The following PABPC4L variants were observed in gnomAD, a reference collection of about 807,000 sequenced individuals.
The protein encoded by PABPC4L is polyadenylate-binding protein 4-like.
For missense variants in PABPC4L, 452 were observed against 451.4 expected, an observed-to-expected ratio of 1.00 and a Z score of -0.01; for synonymous variants, 169 against 164.1, an observed-to-expected ratio of 1.03 and a Z score of -0.23.
chr4:134,091,408 T>G, the PABPC4L span, among the ~76,000 whole-genome samples: 3 of 152,092 alleles, frequency 2.0e-5, no homozygotes, highest in Admixed American at 2.0e-4. Context: ...ACTTTATAAC[T>G]TATTGAAATT....
the PABPC4L span, among the ~76,000 whole-genome samples, chr4:134,080,628 T>C: frequency 6.6e-6 from 1 of 152,158 alleles, no homozygotes; most frequent in Admixed American, 6.6e-5. Context: ...ACCTAATCTC[T>C]TTGGTTAATA....
At chr4:134,046,874 C>T in the PABPC4L span, among the ~76,000 whole-genome samples, 1 of 152,174 alleles carries the variant, frequency 6.6e-6, no homozygotes, top group East Asian at 1.9e-4. Flanking sequence ...TACAGATTAA[C>T]AGCATCTCAA....
At chr4:134,053,897 T>A in the PABPC4L span, among the ~76,000 whole-genome samples, 2 of 152,086 alleles carry the variant, frequency 1.3e-5, no homozygotes, top group Admixed American at 1.3e-4. Context: ...GAGGTCCTGA[T>A]GCTTCTTCCT....
At chr4:134,135,560 T>C in the PABPC4L span, among the ~76,000 whole-genome samples, 1 of 152,078 alleles carries the variant, frequency 6.6e-6, no homozygotes, top group Non-Finnish European at 1.5e-5. Context: ...ACAGCCGGTA[T>C]GGTGGCTCAT....
chr4:134,006,923 C>T, the PABPC4L span, among the ~76,000 whole-genome samples: 1 of 151,642 alleles, frequency 6.6e-6, no homozygotes. Flanking sequence ...TGTGTTGATA[C>T]TGCAAGTTGT....
the PABPC4L span, among the ~76,000 whole-genome samples, chr4:133,990,415 A>G: frequency 6.6e-6 from 1 of 152,144 alleles, no homozygotes; most frequent in Non-Finnish European, 1.5e-5. Context: ...AACTTAATTG[A>G]CAAATATTAT....
chr4:133,967,898 T>C, the PABPC4L span, among the ~76,000 whole-genome samples: 16 of 152,186 alleles, frequency 1.1e-4, no homozygotes, highest in Non-Finnish European at 2.1e-4. Context: ...TTTAGTCTTA[T>C]GAAATATGAA....
At chr4:134,015,745 G>A in the PABPC4L span, among the ~76,000 whole-genome samples, 6 of 152,066 alleles carry the variant, frequency 3.9e-5, no homozygotes, top group Admixed American at 6.6e-5. Flanking sequence ...GACCAGGACC[G>A]CACCCTGTAG....
chr4:134,149,217 C>A, the PABPC4L span, among the ~76,000 whole-genome samples: 2 of 152,098 alleles, frequency 1.3e-5, no homozygotes, highest in Non-Finnish European at 2.9e-5. Flanking sequence ...CATACCCGTT[C>A]CCAAGTCAAA....
At chr4:134,008,592 A>C in the PABPC4L span, among the ~76,000 whole-genome samples, 1 of 151,918 alleles carries the variant, frequency 6.6e-6, no homozygotes, top group East Asian at 1.9e-4. Context: ...ACAGTTCAAA[A>C]TAACAATAAT....
the PABPC4L span, among the ~76,000 whole-genome samples, chr4:133,980,845 G>A: frequency 6.6e-6 from 1 of 152,084 alleles, no homozygotes. Flanking sequence ...TAGCCTTTCT[G>A]CTCTTCTCAC....
the PABPC4L span, among the ~76,000 whole-genome samples, chr4:133,981,767 T>A: frequency 3.3e-5 from 5 of 152,028 alleles, no homozygotes; most frequent in African/African-American, 1.2e-4. Flanking sequence ...AATGTATATC[T>A]TTTAAATTGG....
At chr4:134,112,772 A>G in the PABPC4L span, among the ~76,000 whole-genome samples, 1 of 152,092 alleles carries the variant, frequency 6.6e-6, no homozygotes, top group South Asian at 2.1e-4. Context: ...TATGCTTTCT[A>G]GAATAGTATT....
the PABPC4L span, among the ~76,000 whole-genome samples, chr4:133,952,621 T>C: frequency 1.3e-5 from 2 of 152,152 alleles, no homozygotes; most frequent in Non-Finnish European, 2.9e-5. Flanking sequence ...AAAACTATTT[T>C]TCGTGGTTGT....
At chr4:134,150,506 T>C in the PABPC4L span, among the ~76,000 whole-genome samples, 36 of 152,354 alleles carry the variant, frequency 2.4e-4, no homozygotes, top group African/African-American at 8.2e-4. Context: ...ATACATGTGA[T>C]GATAACATTG....
chr4:133,997,490 T>A, the PABPC4L span, among the ~76,000 whole-genome samples: 1 of 132,310 alleles, frequency 7.6e-6, no homozygotes, highest in Non-Finnish European at 1.5e-5. Flanking sequence ...GACTTTCATG[T>A]CTTATTAAAA....
chr4:134,095,875 T>C, the PABPC4L span, among the ~76,000 whole-genome samples: 2 of 151,952 alleles, frequency 1.3e-5, no homozygotes. Flanking sequence ...TGCTCAAAAG[T>C]TGCACCCTGC....
the PABPC4L span, among the ~76,000 whole-genome samples, chr4:134,094,565 A>C: frequency 6.6e-6 from 1 of 151,916 alleles, no homozygotes; most frequent in African/African-American, 2.4e-5. Flanking sequence ...AGCTATAGAA[A>C]CATTTCATAT....
the PABPC4L span, among the ~76,000 whole-genome samples, chr4:134,012,306 C>A: frequency 8.5e-5 from 13 of 152,118 alleles, no homozygotes; most frequent in Admixed American, 6.6e-4. Flanking sequence ...TGATGACATT[C>A]CACCACAAAA....
Sources: gnomAD v4.1 joint callset for allele counts (sites outside exome capture counted in the v4.1 genomes callset) on GRCh38, gnomAD v4.1.1 for gene constraint, MANE v1.5 for transcripts, NCBI Gene and HGNC (gene_info 2026-07-23, HGNC 2026-07-21) for gene names.